SHQ1: variants seen among roughly 807,000 people sequenced by gnomAD.
SHQ1 encodes protein SHQ1 homolog.
Under a neutral mutation model 53.8 loss-of-function variants are expected in SHQ1, and 49 were observed. The observed-to-expected ratio is 0.91, with a 90% CI of 0.72 to 1.16. The LOEUF is 1.16. Ranked by LOEUF, SHQ1 falls within the 50% of genes most tolerant of loss-of-function variation. SHQ1 has a pLI of 0.00. For missense variants in SHQ1, 738 were observed against 683.1 expected (o/e 1.08, Z -0.90); for synonymous variants, 243 against 251.0 (o/e 0.97, Z 0.30).
chr3:72,783,598 G>A (rs1317054858), intron 10 of SHQ1, among the ~76,000 whole-genome samples: 1 of 152,080 alleles, frequency 6.6e-6, no homozygotes, highest in Non-Finnish European at 1.5e-5. Context: ...ATAGGCATGA[G>A]CCAGCATGCC....
chr3:72,740,765 C>T, the SHQ1 span, among the ~76,000 whole-genome samples: 2 of 152,144 alleles, frequency 1.3e-5, no homozygotes, highest in Non-Finnish European at 1.5e-5. Flanking sequence ...AGCAACTCCA[C>T]GTGTCTGCAT....
At chr3:72,733,810 T>G in the SHQ1 span, among the ~76,000 whole-genome samples, 1 of 151,510 alleles carries the variant, frequency 6.6e-6, no homozygotes, top group East Asian at 1.9e-4. Flanking sequence ...AAAATGTAAG[T>G]TTAGTTGCCA....
chr3:72,731,731 A>C, the SHQ1 span, among the ~76,000 whole-genome samples: 2 of 151,404 alleles, frequency 1.3e-5, no homozygotes, highest in Admixed American at 1.3e-4. Context: ...TTTGCAGGCT[A>C]TACAAAAACA....
intron 10 of SHQ1, among the ~76,000 whole-genome samples, chr3:72,790,679 T>A (rs1396773453): frequency 6.6e-6 from 1 of 152,024 alleles, no homozygotes; most frequent in Non-Finnish European, 1.5e-5. Flanking sequence ...AAATTAAGAA[T>A]AAAACTAGAA....
At chr3:72,818,986 A>G (rs554660122) in intron 6 of SHQ1, among the ~76,000 whole-genome samples, 1 of 152,310 alleles carries the variant, frequency 6.6e-6, no homozygotes, top group East Asian at 1.9e-4. Flanking sequence ...AGCCTCCAAC[A>G]TCTGTTTTTT....
chr3:72,796,928 T>C (rs1266094246), intron 9 of SHQ1, among the ~76,000 whole-genome samples: 1 of 119,884 alleles, frequency 8.3e-6, no homozygotes, highest in Non-Finnish European at 1.7e-5. Flanking sequence ...CCTATTTTCT[T>C]AAAAAAAAAA....
At chr3:72,843,751 C>A (rs959066454) in intron 2 of SHQ1, among the ~76,000 whole-genome samples, 5 of 151,632 alleles carry the variant, frequency 3.3e-5, no homozygotes, top group African/African-American at 1.2e-4. Flanking sequence ...ACCCACCCCC[C>A]CATACCCTAC....
At chr3:72,763,731 G>C (rs1705659733) in intron 10 of SHQ1, among the ~76,000 whole-genome samples, 1 of 152,204 alleles carries the variant, frequency 6.6e-6, no homozygotes, top group Non-Finnish European at 1.5e-5. Flanking sequence ...GCCAGGGGAT[G>C]TCTAGGGTTG....
the SHQ1 span, among the ~76,000 whole-genome samples, chr3:72,734,250 TTTTA>T: frequency 6.6e-6 from 1 of 151,200 alleles, no homozygotes; most frequent in African/African-American, 2.4e-5. Flanking sequence ...ATCATTTTTA[TTTTA>T]TTTATTTATT....
chr3:72,767,068 C>G (rs1358653322), intron 10 of SHQ1, among the ~76,000 whole-genome samples: 1 of 152,158 alleles, frequency 6.6e-6, no homozygotes, highest in Admixed American at 6.5e-5. Context: ...AAGATGAAGC[C>G]TAGAGACTTT....
chr3:72,769,972 C>T (rs1705810631), intron 10 of SHQ1, among the ~76,000 whole-genome samples: 2 of 152,172 alleles, frequency 1.3e-5, no homozygotes, highest in Non-Finnish European at 2.9e-5. Context: ...GAGGACATAA[C>T]CCAAATTCAT....
intron 10 of SHQ1, chr3:72,772,661 T>C: frequency 1.4e-6 from 1 of 716,264 alleles, no homozygotes; most frequent in South Asian, 1.5e-5. Flanking sequence ...CTAGACAATC[T>C]TGATGGTGCT....
At chr3:72,845,924 T>C (rs1259676265) in intron 1 of SHQ1, among the ~76,000 whole-genome samples, 2 of 152,240 alleles carry the variant, frequency 1.3e-5, no homozygotes, top group African/African-American at 4.8e-5. Context: ...CTAACTTTAG[T>C]GTCAGAATCT....
At chr3:72,788,881 A>C (rs1272308280) in intron 10 of SHQ1, among the ~76,000 whole-genome samples, 4 of 152,126 alleles carry the variant, frequency 2.6e-5, no homozygotes, top group Non-Finnish European at 5.9e-5. Context: ...TGAAGGCAGC[A>C]TACTCGTTAA....
chr3:72,749,153 C>A (rs1489192037), downstream of SHQ1: 4 of 184,936 alleles, frequency 2.2e-5, no homozygotes, highest in Admixed American at 1.2e-4. Context: ...TAAAATGGTA[C>A]AGCCATGCTG....
chr3:72,782,432 GTCC>G (rs1362641044), intron 10 of SHQ1, among the ~76,000 whole-genome samples: 1 of 152,058 alleles, frequency 6.6e-6, no homozygotes. Context: ...CCTCAAGAAG[GTCC>G]TTTTCCAACA....
At chr3:72,818,326 T>A (rs1707378377) in intron 6 of SHQ1, among the ~76,000 whole-genome samples, 3 of 152,170 alleles carry the variant, frequency 2.0e-5, no homozygotes, top group Non-Finnish European at 4.4e-5. Flanking sequence ...TGCTTCTAGT[T>A]TTCTGCCACT....
the SHQ1 span, among the ~76,000 whole-genome samples, chr3:72,738,655 C>T: frequency 1.3e-5 from 2 of 152,326 alleles, no homozygotes; most frequent in South Asian, 2.1e-4. Context: ...ACGAAAGCCA[C>T]TGATGTCGCC....
chr3:72,734,551 C>A, the SHQ1 span, among the ~76,000 whole-genome samples: 2 of 151,522 alleles, frequency 1.3e-5, no homozygotes, highest in African/African-American at 4.9e-5. Flanking sequence ...CCACTGAGCC[C>A]GGCCTACAGT....
Sources: allele counts gnomAD v4.1 joint callset (sites outside exome capture counted in the v4.1 genomes callset), GRCh38; gene constraint gnomAD v4.1.1; transcripts MANE v1.5; gene names NCBI Gene and HGNC (gene_info 2026-07-23, HGNC 2026-07-21).